PTPRM: variants seen among roughly 807,000 people sequenced by gnomAD.
The protein encoded by PTPRM is protein tyrosine phosphatase receptor type M.
PTPRM carries 47 observed loss-of-function variants against 186.7 expected under a neutral mutation model. The observed-to-expected ratio is 0.25, with a 90% CI of 0.20 to 0.32. The LOEUF is 0.32. Ranked by LOEUF, PTPRM falls within the 10% of genes least tolerant of loss-of-function variation. PTPRM has a pLI of 1.00. For missense variants in PTPRM, 1,494 were observed against 1,865.0 expected, an observed-to-expected ratio of 0.80 and a Z score of 3.66; for synonymous variants, 668 against 674.9, an observed-to-expected ratio of 0.99 and a Z score of 0.16.
intron 19 of PTPRM, among the ~76,000 whole-genome samples, chr18:8,258,162 A>G (rs1375845533): frequency 6.6e-6 from 1 of 152,198 alleles, no homozygotes; most frequent in African/African-American, 2.4e-5. Context: ...GAGAGGAGAA[A>G]GAGCAGAAAG....
chr18:8,006,635 T>C (rs1425811005), intron 7 of PTPRM, among the ~76,000 whole-genome samples: 1 of 152,170 alleles, frequency 6.6e-6, no homozygotes, highest in Non-Finnish European at 1.5e-5. Context: ...GGATCTTATA[T>C]TCCCAAAACC....
intron 11 of PTPRM, among the ~76,000 whole-genome samples, chr18:8,102,795 T>C (rs1273802555): frequency 6.6e-6 from 1 of 152,200 alleles, no homozygotes; most frequent in Non-Finnish European, 1.5e-5. Context: ...CCCCTTTCCA[T>C]TGACTTTGAC....
rs867367774 is a variant in PTPRM, at chr18:8,405,971, G to A, written c.4345-138G>A. 3.3e-4 allele frequency: 263 copies of A among 793,608 alleles called. No homozygotes were observed. The African/African-American group carries it at 3.4e-3, about 10-fold the overall frequency. 49.2% of individuals were successfully genotyped at this position (793,608 alleles called of 1,614,324 possible). A position where few individuals can be genotyped will look rare whatever the true frequency, so the allele number is the denominator to read the frequency against. On this transcript the variant is annotated intron_variant, in intron 32 of 32. Transcript: ENST00000580170. ...GTGAATGTATCTGGAGTTCAGAACCGTGACTTTCTGATTCATTTCTAATTC... is the reference window on the plus strand; with the variant it reads ...GTGAATGTATCTGGAGTTCAGAACCATGACTTTCTGATTCATTTCTAATTC...
chr18:7,904,729 G>A (rs985371413), intron 3 of PTPRM, among the ~76,000 whole-genome samples: 4 of 152,116 alleles, frequency 2.6e-5, no homozygotes, highest in African/African-American at 9.7e-5. Flanking sequence ...AATATGATGT[G>A]CACAGATTTT....
intron 1 of PTPRM, among the ~76,000 whole-genome samples, chr18:7,704,164 T>C (rs528323449): frequency 6.6e-6 from 1 of 152,348 alleles, no homozygotes; most frequent in South Asian, 2.1e-4. Flanking sequence ...CAGGTTTTGG[T>C]ATCAGGATGA....
chr18:7,877,183 T>C (rs987270733), intron 2 of PTPRM, among the ~76,000 whole-genome samples: 16 of 152,326 alleles, frequency 1.1e-4, no homozygotes, highest in African/African-American at 3.4e-4. Context: ...TTTGCTCTTA[T>C]AATTAAATAT....
At chr18:7,778,633 C>A (rs2145039637) in intron 2 of PTPRM, among the ~76,000 whole-genome samples, 1 of 152,124 alleles carries the variant, frequency 6.6e-6, no homozygotes, top group South Asian at 2.1e-4. Context: ...GCACCCACCA[C>A]CACACCCAGC....
intron 1 of PTPRM, among the ~76,000 whole-genome samples, chr18:7,569,351 T>C (rs989663382): frequency 6.6e-6 from 1 of 152,170 alleles, no homozygotes; most frequent in Non-Finnish European, 1.5e-5. Context: ...TACAGAAATA[T>C]CCTTTCTCCA....
At position 8,398,383 on chromosome 18, in the gene PTPRM, C is replaced by T. The variant is rs76735462; in HGVS notation, c.4344+3772C>T. ...ATTGATGCAAGAGAAGTAGAAGATA[C>T]AGTCTCTCCCACATGGAGCTTAGAA... On this transcript the variant is annotated intron_variant, in intron 32 of 32. Transcript: ENST00000580170. 2.4e-3 allele frequency among the ~76,000 whole-genome samples: 373 copies of T among 152,286 alleles called. 6 individuals are homozygous for T. In the South Asian group the frequency reaches 0.03, roughly 12 times the overall value.
chr18:7,963,722 G>A (rs1326469491), intron 7 of PTPRM, among the ~76,000 whole-genome samples: 3 of 152,194 alleles, frequency 2.0e-5, no homozygotes, highest in East Asian at 1.9e-4. Flanking sequence ...TCACAGAACC[G>A]TTTCAGGCTG....
chr18:8,021,046 G>A (rs1248943319), intron 7 of PTPRM, among the ~76,000 whole-genome samples: 1 of 152,114 alleles, frequency 6.6e-6, no homozygotes, highest in African/African-American at 2.4e-5. Flanking sequence ...TGGGATTCTG[G>A]TTGGAAACAC....
intron 30 of PTPRM, among the ~76,000 whole-genome samples, chr18:8,385,423 G>C (rs972023042): frequency 1.7e-4 from 26 of 152,224 alleles, no homozygotes; most frequent in Non-Finnish European, 3.5e-4. Context: ...GCCTTACAGT[G>C]GGGAGCAAGC....
Position 7,764,246 on chromosome 18 carries a change from T to C in PTPRM, c.74-9903T>C, listed in dbSNP as rs139632380. Among the ~76,000 whole-genome samples the C allele has an allele frequency of 6.6e-3, 1,010 of 152,292 alleles. 9 individuals carry two copies. Among genetic ancestry groups the C allele is most frequent in the African/African-American group, 0.022 (915 of 41,560 alleles). On this transcript the variant is annotated intron_variant, in intron 1 of 32. Coordinates refer to ENST00000580170, the MANE Select transcript of PTPRM (RefSeq NM_001105244.2). ...GAATACAGTACAACTCATTGATGTA[T>C]GGAAGAAAAGATTTGAACTTCAGCT...
At chr18:8,178,011 A>G (rs1228150496) in intron 14 of PTPRM, among the ~76,000 whole-genome samples, 1 of 152,150 alleles carries the variant, frequency 6.6e-6, no homozygotes, top group East Asian at 1.9e-4. Flanking sequence ...AAGGTCATAT[A>G]CCAGTTAAAC....
At chr18:8,049,505 C>T (rs1352765341) in intron 7 of PTPRM, 3 of 152,038 alleles carry the variant, frequency 2.0e-5, no homozygotes, top group African/African-American at 7.2e-5. Flanking sequence ...TCTAAATGTT[C>T]GCTATATATT....
chr18:8,100,695 T>C (rs2091255261), intron 11 of PTPRM, among the ~76,000 whole-genome samples: 1 of 152,206 alleles, frequency 6.6e-6, no homozygotes, highest in South Asian at 2.1e-4. Context: ...GCATCAAGTA[T>C]ACTACTTGCC....
At chr18:8,103,460 G>A (rs2145573927) in intron 11 of PTPRM, among the ~76,000 whole-genome samples, 1 of 152,284 alleles carries the variant, frequency 6.6e-6, no homozygotes, top group Non-Finnish European at 1.5e-5. Flanking sequence ...TATGAAGATG[G>A]CTACTTTTCT....
chr18:8,066,585 T>C (rs1327214771), intron 7 of PTPRM, among the ~76,000 whole-genome samples: 1 of 152,140 alleles, frequency 6.6e-6, no homozygotes, highest in African/African-American at 2.4e-5. Flanking sequence ...AACACATTAG[T>C]AGGCACAGCA....
At chr18:8,289,409 TATACAC>T (rs1191062368) in intron 19 of PTPRM, among the ~76,000 whole-genome samples, 74 of 140,238 alleles carry the variant, frequency 5.3e-4, no homozygotes, top group Admixed American at 8.9e-4. Flanking sequence ...TATATATATA[TATACAC>T]ATATATACGT....
Sources: gnomAD v4.1 joint callset for allele counts (sites outside exome capture counted in the v4.1 genomes callset) on GRCh38, gnomAD v4.1.1 for gene constraint, MANE v1.5 for transcripts, NCBI Gene and HGNC (gene_info 2026-07-23, HGNC 2026-07-21) for gene names.